The following GPR176 variants were observed in gnomAD, a reference collection of about 807,000 sequenced individuals.
The protein encoded by GPR176 is G-protein coupled receptor 176.
A neutral mutation model predicts 35.4 loss-of-function variants in GPR176; 26 were observed. That is an observed-to-expected ratio of 0.74 (90% CI 0.54 to 1.02). GPR176 has a LOEUF of 1.02. GPR176 is among the 50% of genes least tolerant of loss of function. The probability of loss-of-function intolerance (pLI) is 0.00; values close to 1 mark genes in which losing one functional copy is unlikely to be tolerated. For synonymous variants in GPR176, 278 were observed against 271.3 expected, an observed-to-expected ratio of 1.02 and a Z score of -0.24; for missense variants, 597 against 665.3, an observed-to-expected ratio of 0.90 and a Z score of 1.13.
intron 1 of GPR176, among the ~76,000 whole-genome samples, chr15:39,915,341 T>C (rs1332920351): frequency 1.3e-5 from 2 of 152,204 alleles, no homozygotes; most frequent in Non-Finnish European, 2.9e-5. Context: ...TAGTTCCTTC[T>C]TATAATGTTA....
chr15:39,844,474 C>T (rs1419174415), intron 1 of GPR176, among the ~76,000 whole-genome samples: 2 of 152,032 alleles, frequency 1.3e-5, no homozygotes, highest in East Asian at 3.9e-4. Context: ...CCATGGTTCT[C>T]ACCACAGTCA....
chr15:39,840,819 G>T (rs2140789830), intron 1 of GPR176, among the ~76,000 whole-genome samples: 1 of 151,938 alleles, frequency 6.6e-6, no homozygotes, highest in Non-Finnish European at 1.5e-5. Flanking sequence ...AGTTGGAAGG[G>T]CAATCCATTT....
At chr15:39,879,717 C>T (rs1364787411) in intron 1 of GPR176, among the ~76,000 whole-genome samples, 2 of 152,142 alleles carry the variant, frequency 1.3e-5, no homozygotes, top group East Asian at 1.9e-4. Context: ...TCCTGGGCAC[C>T]CCACCTCGAA....
At chr15:39,840,574 A>G (rs960624872) in intron 1 of GPR176, among the ~76,000 whole-genome samples, 4 of 152,188 alleles carry the variant, frequency 2.6e-5, no homozygotes, top group African/African-American at 9.6e-5. Flanking sequence ...TGGCACATGT[A>G]TACATATGTA....
Position 39,801,175 on chromosome 15 carries a change from C to G in GPR176, c.1505G>C (p.Ser502Thr), listed in dbSNP as rs755213982. Residue 502 changes from serine to threonine, a missense_variant, in exon 3 of 3, where the codon AGC becomes ACC. Physicochemically the swap from Ser to Thr is moderately conservative, Grantham distance 58. Coordinates refer to ENST00000561100, the MANE Select transcript of GPR176 (RefSeq NM_007223.3). ...AAAAATGCTCACTTTATTGTTTCTG[C>G]TCATCTTCCGCTCCACCCTGCCTAC... is the stretch of plus-strand genomic sequence containing the variant. ...PKVGRVERKM[S>T]RNNKVSIFPK... 2 of 1,612,478 alleles carry G rather than the reference C, an allele frequency of 1.2e-6. No individual in the cohort carries two copies. Among genetic ancestry groups the G allele is most frequent in the Non-Finnish European group, 1.7e-6 (2 of 1,179,072 alleles).
chr15:39,815,650 C>T lies in GPR176; in HGVS notation c.173-8392G>A, dbSNP rs1157730476. Among the ~76,000 whole-genome samples, 8 of 152,288 alleles carry T rather than the reference C, an allele frequency of 5.3e-5. 1 individual carries two copies. In the South Asian group the frequency reaches 1.7e-3, roughly 32 times the overall value. On this transcript the variant is annotated intron_variant, in intron 1 of 2. Coordinates refer to ENST00000561100, the MANE Select transcript of GPR176 (RefSeq NM_007223.3). ...ATATCCCTTCTCCAGATAGGTCCTG[C>T]TTATAGAATCTATCAAGTCTACTAT...
At chr15:39,846,262 G>A (rs955405225) in intron 1 of GPR176, among the ~76,000 whole-genome samples, 3 of 152,216 alleles carry the variant, frequency 2.0e-5, no homozygotes, top group Admixed American at 6.5e-5. Context: ...TGACTGACTC[G>A]ATCTTGCTTC....
chr15:39,867,610 G>C (rs2031881948), intron 1 of GPR176, among the ~76,000 whole-genome samples: 1 of 152,164 alleles, frequency 6.6e-6, no homozygotes, highest in Admixed American at 6.5e-5. Context: ...CAGATGCGGG[G>C]TGGGGAGGAT....
In GPR176 at chr15:39,857,980, A is replaced by G. The variant is rs557658421; in HGVS notation, c.173-50722T>C. ...TGTGAGACTCCTTCTCCAAAAAAAA[A>G]AAAAAAGAAAGAAAGAAAAAAGAAA... On this transcript the variant is annotated intron_variant, in intron 1 of 2. Coordinates refer to ENST00000561100, the MANE Select transcript of GPR176 (RefSeq NM_007223.3). Among the ~76,000 whole-genome samples the G allele has an allele frequency of 3.3e-5, 5 of 151,656 alleles. No homozygotes were observed. The East Asian group carries it at 9.7e-4, about 29-fold the overall frequency.
chr15:39,896,633 A>C (rs949518009), intron 1 of GPR176, among the ~76,000 whole-genome samples: 2 of 152,232 alleles, frequency 1.3e-5, no homozygotes, highest in African/African-American at 4.8e-5. Flanking sequence ...AAGCTGACTC[A>C]AGGACAAAAC....
chr15:39,825,539 G>GA (rs1460601057), intron 1 of GPR176, among the ~76,000 whole-genome samples: 6 of 151,716 alleles, frequency 4.0e-5, no homozygotes, highest in Admixed American at 2.0e-4. Flanking sequence ...TACATAATGG[G>GA]AAAAATCTCC....
At chr15:39,807,392 T>C in intron 1 of GPR176, 134 bp from the exon 2 acceptor site, 1 of 715,984 alleles carries the variant, frequency 1.4e-6, no homozygotes, top group Admixed American at 3.6e-5. Context: ...TAAATCCTAA[T>C]ATTAAAATTT....
chr15:39,822,731 A>G (rs563311770), intron 1 of GPR176, among the ~76,000 whole-genome samples: 2 of 152,352 alleles, frequency 1.3e-5, no homozygotes, highest in African/African-American at 4.8e-5. Flanking sequence ...TAAACAATTA[A>G]TAGTTCTTAA....
intron 1 of GPR176, among the ~76,000 whole-genome samples, chr15:39,873,356 T>C (rs1431045071): frequency 6.6e-6 from 1 of 152,140 alleles, no homozygotes; most frequent in African/African-American, 2.4e-5. Context: ...ACTACAGCAG[T>C]GGCAAGTGAT....
At chr15:39,857,423 T>C (rs919963188) in intron 1 of GPR176, among the ~76,000 whole-genome samples, 1 of 152,124 alleles carries the variant, frequency 6.6e-6, no homozygotes, top group Admixed American at 6.6e-5. Flanking sequence ...ATGCCTGCAA[T>C]CCCAGCACTT....
At chr15:39,845,863 T>C (rs275756) in intron 1 of GPR176, among the ~76,000 whole-genome samples, 12,274 of 152,116 alleles carry the variant, frequency 0.081, 1,571 homozygotes, top group African/African-American at 0.27. Context: ...TGAAACATAA[T>C]AGAGTCTTAA....
intron 1 of GPR176, among the ~76,000 whole-genome samples, chr15:39,847,018 G>T (rs956944799): frequency 2.0e-5 from 3 of 152,046 alleles, no homozygotes; most frequent in Non-Finnish European, 4.4e-5. Flanking sequence ...AGAGTAAAGG[G>T]ACATAAAGGG....
chr15:39,840,898 A>G (rs931649269), intron 1 of GPR176, among the ~76,000 whole-genome samples: 1 of 152,118 alleles, frequency 6.6e-6, no homozygotes, highest in Non-Finnish European at 1.5e-5. Flanking sequence ...TGTTGATCTG[A>G]ATTTGAGGCA....
At chr15:39,859,993 CAAA>C (rs10712342) in intron 1 of GPR176, among the ~76,000 whole-genome samples, 1 of 146,626 alleles carries the variant, frequency 6.8e-6, no homozygotes. Context: ...AGGCTTAAAT[CAAA>C]AAAAAAAAAG....
Sources: allele counts gnomAD v4.1 joint callset (sites outside exome capture counted in the v4.1 genomes callset), GRCh38; gene constraint gnomAD v4.1.1; transcripts MANE v1.5; gene names NCBI Gene and HGNC (gene_info 2026-07-23, HGNC 2026-07-21).